PRELID2: variants seen among roughly 807,000 people sequenced by gnomAD.
The protein encoded by PRELID2 is PRELI domain containing 2, also known as PRELI domain-containing protein 2.
In PRELID2, 25 loss-of-function variants were observed where a neutral mutation model predicts 28.4. That is an observed-to-expected ratio of 0.88 (90% CI 0.64 to 1.23). The LOEUF is 1.23. Among genes scored for constraint, PRELID2 ranks in the 50% most tolerant of loss-of-function variants. The probability of loss-of-function intolerance (pLI) is 0.00; values close to 1 mark genes in which losing one functional copy is unlikely to be tolerated. For synonymous variants in PRELID2, 76 were observed against 71.6 expected, an observed-to-expected ratio of 1.06 and a Z score of -0.31; for missense variants, 201 against 214.4, an observed-to-expected ratio of 0.94 and a Z score of 0.39.
chr5:145,697,094 T>C (rs533010688), intron 1 of PRELID2, among the ~76,000 whole-genome samples: 3,262 of 124,022 alleles, frequency 0.026, 156 homozygotes, highest in African/African-American at 0.098. Context: ...CACACACACA[T>C]ATATATATGT....
At chr5:145,692,251 G>GA (rs1488575604) in intron 1 of PRELID2, among the ~76,000 whole-genome samples, 1 of 152,118 alleles carries the variant, frequency 6.6e-6, no homozygotes, top group African/African-American at 2.4e-5. Context: ...TTGGTAAATA[G>GA]ATTTTAAACT....
chr5:145,374,843 G>T, the PRELID2 span, among the ~76,000 whole-genome samples: 1 of 152,110 alleles, frequency 6.6e-6, no homozygotes, highest in South Asian at 2.1e-4. Context: ...GGTCATTTAT[G>T]TTCCTACTTA....
chr5:145,505,051 T>C (rs933289108), intron 1 of PRELID2, among the ~76,000 whole-genome samples: 4 of 152,152 alleles, frequency 2.6e-5, no homozygotes, highest in African/African-American at 7.2e-5. Context: ...TATATTGTCA[T>C]TCAATAACAC....
At chr5:145,542,369 C>A (rs1391464293) in intron 1 of PRELID2, among the ~76,000 whole-genome samples, 7 of 152,056 alleles carry the variant, frequency 4.6e-5, no homozygotes, top group Admixed American at 4.6e-4. Context: ...GGGATTAGAA[C>A]AGAAAGATGG....
intron 1 of PRELID2, among the ~76,000 whole-genome samples, chr5:145,558,262 A>G (rs1752897936): frequency 6.6e-6 from 1 of 152,228 alleles, no homozygotes; most frequent in Non-Finnish European, 1.5e-5. Flanking sequence ...CTCGATAATT[A>G]ATCAGAAAAG....
At chr5:145,256,929 G>C in the PRELID2 span, among the ~76,000 whole-genome samples, 1 of 150,962 alleles carries the variant, frequency 6.6e-6, no homozygotes, top group East Asian at 1.9e-4. Context: ...TTTTTTTTTA[G>C]AAAAAGCAAC....
the PRELID2 span, among the ~76,000 whole-genome samples, chr5:145,298,151 C>T: frequency 6.6e-6 from 1 of 152,044 alleles, no homozygotes; most frequent in South Asian, 2.1e-4. Context: ...AAAAAGAGCC[C>T]GCATCGCCCA....
the PRELID2 span, among the ~76,000 whole-genome samples, chr5:145,395,376 G>A: frequency 0.071 from 10,741 of 152,140 alleles, 489 homozygotes; most frequent in South Asian, 0.18. Flanking sequence ...TGGTGCTACC[G>A]AGAATAGTGG....
intron 1 of PRELID2, among the ~76,000 whole-genome samples, chr5:145,686,127 AC>A (rs1755034232): frequency 1.3e-5 from 2 of 152,064 alleles, no homozygotes; most frequent in African/African-American, 4.8e-5. Context: ...ACACATGTAA[AC>A]CCACTCACTT....
At chr5:145,478,555 A>C (rs536709486) in intron 1 of PRELID2, among the ~76,000 whole-genome samples, 1 of 152,188 alleles carries the variant, frequency 6.6e-6, no homozygotes, top group South Asian at 2.1e-4. Context: ...CGTCTCCAAA[A>C]AATAAAGAAA....
chr5:145,249,314 C>G, the PRELID2 span, among the ~76,000 whole-genome samples: 1 of 152,084 alleles, frequency 6.6e-6, no homozygotes, highest in Admixed American at 6.6e-5. Context: ...TAAACCTTTT[C>G]ATTCATCCAT....
At position 145,764,887 on chromosome 5, in the gene PRELID2, A is replaced by G. The variant is rs369617367; in HGVS notation, c.*10+44T>C. The G allele has an allele frequency of 5.1e-5, 72 of 1,420,766 alleles. 1 individual carries two copies. In the African/African-American group the frequency reaches 6.9e-4, roughly 14 times the overall value. The allele number at this position is 1,420,766 out of a possible 1,614,324, so 88.0% of individuals were successfully genotyped here. On this transcript the variant is annotated intron_variant, in intron 6 of 6. Transcript: ENST00000683046. Reference sequence around the variant, plus strand: ...GAATACCAGGCTGATAAGCATGAAAATATGGCTTGTGTAAATAATTCTGAC... The same window carrying G: ...GAATACCAGGCTGATAAGCATGAAAGTATGGCTTGTGTAAATAATTCTGAC...
intron 1 of PRELID2, among the ~76,000 whole-genome samples, chr5:145,619,031 A>C (rs767139174): frequency 7.9e-5 from 12 of 152,084 alleles, no homozygotes; most frequent in Admixed American, 1.3e-4. Flanking sequence ...CACTCCCACC[A>C]TACCCCCGCT....
chr5:145,816,076 CTTTTTTTTTTTTT>C (rs1191298938), intron 4 of PRELID2, among the ~76,000 whole-genome samples: 1 of 89,042 alleles, frequency 1.1e-5, no homozygotes, highest in Admixed American at 1.1e-4. Context: ...TATTGTGTGT[CTTTTTTTTTTTTT>C]TTTTTTTTTT....
intron 1 of PRELID2, among the ~76,000 whole-genome samples, chr5:145,832,173 T>C (rs889388983): frequency 6.6e-4 from 100 of 152,040 alleles, no homozygotes; most frequent in Admixed American, 8.5e-4. Flanking sequence ...ACAGCCAAGT[T>C]TTTTGGGTTT....
intron 1 of PRELID2, among the ~76,000 whole-genome samples, chr5:145,531,893 G>A: frequency 6.6e-6 from 1 of 152,114 alleles, no homozygotes; most frequent in East Asian, 1.9e-4. Context: ...TCCTAGCTCT[G>A]TCACTTGCTA....
At chr5:145,436,834 C>G in the PRELID2 span, among the ~76,000 whole-genome samples, 1 of 152,130 alleles carries the variant, frequency 6.6e-6, no homozygotes, top group East Asian at 1.9e-4. Context: ...CTCTTCTCTA[C>G]TAACTTCCTG....
the PRELID2 span, among the ~76,000 whole-genome samples, chr5:145,460,310 A>T: frequency 1.3e-5 from 2 of 152,288 alleles, no homozygotes; most frequent in East Asian, 3.9e-4. Flanking sequence ...ATCTTATTAC[A>T]GCAGATTGTT....
In PRELID2 at chr5:145,610,325, G is replaced by T. The variant is rs775636583; in HGVS notation, n.71-137010C>A. Among the ~76,000 whole-genome samples the T allele has an allele frequency of 2.0e-5, 3 of 152,110 alleles. No homozygotes were observed. In the East Asian group the frequency reaches 5.8e-4, roughly 29 times the overall value. On this transcript the variant is annotated intron_variant and non_coding_transcript_variant, in intron 1 of 2. Transcript: ENST00000510259. ...CCCAACATGGTTTCTTGGATAATCC[G>T]CCTGCAGGGTTAGTGTTCACTAGCC... is the stretch of plus-strand genomic sequence containing the variant.
Sources: allele counts gnomAD v4.1 joint callset (sites outside exome capture counted in the v4.1 genomes callset), GRCh38; gene constraint gnomAD v4.1.1; transcripts MANE v1.5; gene names NCBI Gene and HGNC (gene_info 2026-07-23, HGNC 2026-07-21).